The following FANCB variants were observed in gnomAD, a reference collection of about 807,000 sequenced individuals.
FANCB encodes the protein FA complementation group B.
Under a neutral mutation model 38.9 loss-of-function variants are expected in FANCB, and 5 were observed. That is an observed-to-expected ratio of 0.13 (90% CI 0.07 to 0.27). The LOEUF (loss-of-function observed/expected upper bound fraction) is 0.27, where lower values mean the gene tolerates loss of function less well. Ranked by LOEUF, FANCB falls within the 10% of genes least tolerant of loss-of-function variation. The pLI, the probability that FANCB is intolerant of heterozygous loss-of-function variation, is 1.00. For missense variants in FANCB, 573 were observed against 602.7 expected (o/e 0.95, Z 0.52); for synonymous variants, 236 against 215.4 (o/e 1.10, Z -0.84).
At chrX:14,796,019 T>G in the FANCB span, among the ~76,000 whole-genome samples, 3 of 111,499 alleles carry the variant, frequency 2.7e-5, no homozygotes, top group Non-Finnish European at 5.6e-5. Context: ...AAGGCAGATA[T>G]TTCATGATTT....
At chrX:14,800,253 C>T in the FANCB span, among the ~76,000 whole-genome samples, 1 of 111,377 alleles carries the variant, frequency 9.0e-6, no homozygotes, top group African/African-American at 3.3e-5. Flanking sequence ...CATGGAAGGC[C>T]GACAAACTGT....
the FANCB span, among the ~76,000 whole-genome samples, chrX:14,721,826 C>T: frequency 1.8e-5 from 2 of 111,577 alleles, no homozygotes; most frequent in Admixed American, 1.9e-4. Context: ...AAAAGCCAAG[C>T]AGCATCCTCA....
chrX:14,803,587 C>T, the FANCB span, among the ~76,000 whole-genome samples: 246 of 112,128 alleles, frequency 2.2e-3, 1 homozygote, highest in African/African-American at 7.5e-3. Context: ...AATTACATTT[C>T]GAAATGCCTT....
At chrX:14,815,276 A>G in the FANCB span, among the ~76,000 whole-genome samples, 1 of 110,821 alleles carries the variant, frequency 9.0e-6, no homozygotes, top group African/African-American at 3.3e-5. Context: ...ATATGTAACA[A>G]ACCTGCACGT....
chrX:14,870,251 C>T (rs2092489203), intron 1 of FANCB, among the ~76,000 whole-genome samples: 2 of 111,683 alleles, frequency 1.8e-5, no homozygotes, highest in African/African-American at 6.5e-5. Flanking sequence ...AGAAACATAT[C>T]TGGAAACAAA....
the FANCB span, among the ~76,000 whole-genome samples, chrX:14,728,811 T>A: frequency 8.9e-6 from 1 of 112,679 alleles, no homozygotes. Flanking sequence ...AAATCTGTTC[T>A]GCCTTGCAGG....
At chrX:14,717,123 T>G in the FANCB span, among the ~76,000 whole-genome samples, 2 of 111,257 alleles carry the variant, frequency 1.8e-5, no homozygotes, top group African/African-American at 6.5e-5. Flanking sequence ...TGCCCTATAA[T>G]AGGAGCTTCT....
the FANCB span, among the ~76,000 whole-genome samples, chrX:14,818,231 G>A: frequency 6.4e-5 from 7 of 109,880 alleles, no homozygotes; most frequent in African/African-American, 2.3e-4. Context: ...GCAGTAGGGA[G>A]AGTGGTGCCC....
At chrX:14,830,700 T>G in the FANCB span, among the ~76,000 whole-genome samples, 1 of 111,720 alleles carries the variant, frequency 9.0e-6, no homozygotes. Context: ...ACAGCTGACA[T>G]GGTCACCTAT....
At chrX:14,831,174 A>G (rs773843589), downstream of FANCB, among the ~76,000 whole-genome samples, 5 of 112,220 alleles carry the variant, frequency 4.5e-5, no homozygotes, top group East Asian at 1.4e-3. Context: ...CATTTCATTC[A>G]TTCATGTTTT....
the FANCB span, among the ~76,000 whole-genome samples, chrX:14,722,045 CACA>C: frequency 2.7e-5 from 3 of 111,794 alleles, no homozygotes; most frequent in African/African-American, 9.8e-5. Context: ...AAGATAATGC[CACA>C]ACATTTCAGT....
intron 5 of FANCB, among the ~76,000 whole-genome samples, chrX:14,857,601 A>C (rs1191535796): frequency 8.9e-6 from 1 of 112,001 alleles, no homozygotes; most frequent in African/African-American, 3.2e-5. Context: ...ATGTGTTTTC[A>C]AAAGTGAGCT....
At chrX:14,739,843 C>T in the FANCB span, among the ~76,000 whole-genome samples, 3 of 111,929 alleles carry the variant, frequency 2.7e-5, no homozygotes, top group Admixed American at 9.4e-5. Flanking sequence ...ATGATGGAAG[C>T]GTGTATTAGA....
At chrX:14,756,620 C>T in the FANCB span, among the ~76,000 whole-genome samples, 8 of 111,530 alleles carry the variant, frequency 7.2e-5, no homozygotes, top group East Asian at 2.8e-4. Context: ...AGCAACTGAC[C>T]GGTCATTACC....
chrX:14,707,460 C>T, the FANCB span, among the ~76,000 whole-genome samples: 1 of 111,181 alleles, frequency 9.0e-6, no homozygotes, highest in Admixed American at 9.5e-5. Context: ...TTCCTTTCGC[C>T]TGCTTTTTGA....
the FANCB span, among the ~76,000 whole-genome samples, chrX:14,696,693 C>T: frequency 8.9e-6 from 1 of 111,749 alleles, no homozygotes; most frequent in Non-Finnish European, 1.9e-5. Context: ...GCTTCAGAGA[C>T]GCCAAAGGAT....
At chrX:14,695,143 A>G in the FANCB span, among the ~76,000 whole-genome samples, 3 of 103,390 alleles carry the variant, frequency 2.9e-5, no homozygotes, top group East Asian at 8.5e-4. Flanking sequence ...GAGATTACAC[A>G]TTGAGATAAC....
At chrX:14,767,083 G>A in the FANCB span, among the ~76,000 whole-genome samples, 1 of 111,799 alleles carries the variant, frequency 8.9e-6, no homozygotes, top group Non-Finnish European at 1.9e-5. Flanking sequence ...TCTTTATCTA[G>A]TTTCCTTGAT....
At chrX:14,856,526 T>C (rs2147421066) in intron 5 of FANCB, among the ~76,000 whole-genome samples, 1 of 112,253 alleles carries the variant, frequency 8.9e-6, no homozygotes. Flanking sequence ...TGTTATGATG[T>C]TTATCTATTG....
Sources: gnomAD v4.1 joint callset for allele counts (sites outside exome capture counted in the v4.1 genomes callset) on GRCh38, gnomAD v4.1.1 for gene constraint, MANE v1.5 for transcripts, NCBI Gene and HGNC (gene_info 2026-07-23, HGNC 2026-07-21) for gene names.